PPP6R1: variants seen among roughly 807,000 people sequenced by gnomAD.
PPP6R1 encodes protein phosphatase 6 regulatory subunit 1.
A neutral mutation model predicts 104.6 loss-of-function variants in PPP6R1; 39 were observed. That is an observed-to-expected ratio of 0.37 (90% CI 0.29 to 0.49). The LOEUF (loss-of-function observed/expected upper bound fraction) is 0.49, where lower values mean the gene tolerates loss of function less well. Ranked by LOEUF, PPP6R1 falls within the 20% of genes least tolerant of loss-of-function variation. The probability of loss-of-function intolerance (pLI) is 0.98; values close to 1 mark genes in which losing one functional copy is unlikely to be tolerated. For synonymous variants in PPP6R1, 549 were observed against 479.0 expected, an observed-to-expected ratio of 1.15 and a Z score of -1.91; for missense variants, 1,181 against 1,155.8, an observed-to-expected ratio of 1.02 and a Z score of -0.32.
Position 55,245,033 on chromosome 19 carries a change from C to A in PPP6R1, c.618+87G>T. The A allele has an allele frequency of 3.2e-6, 5 of 1,542,286 alleles. No individual in the cohort carries two copies. The highest frequency in any genetic ancestry group is 4.4e-6 in the Non-Finnish European group (5 of 1,136,272). ...AATTACAGGCGTGAGCCACTGCGTC[C>A]AGCCCCAATTCCTCTTTTAAAAGTG... On this transcript the variant is annotated intron_variant, in intron 5 of 23. Transcript: ENST00000412770. This position sits in a 1 kb window ranked among gnomAD's most constrained non-coding sequence, Gnocchi z 6.4.
rs1020294143 is a variant in PPP6R1, at chr19:55,240,180, G to GC, written c.1361+55dup. On this transcript the variant is annotated intron_variant, in intron 11 of 23. Transcript: ENST00000412770. ...CCCAGGGATGCCCAGCCCCAGCCCG[G>GC]CCCCCCATCCAGGCAGCCCCAGCCC... 3.8e-6 allele frequency: 6 copies of GC among 1,563,150 alleles called. No individual in the cohort carries two copies. In the African/African-American group the frequency reaches 5.4e-5, roughly 14 times the overall value.
At chr19:55,254,519 C>CAAT (rs1357174618) in intron 1 of PPP6R1, among the ~76,000 whole-genome samples, 1 of 152,126 alleles carries the variant, frequency 6.6e-6, no homozygotes, top group Admixed American at 6.5e-5. Flanking sequence ...TGCACGTATC[C>CAAT]GCCCAAGCAC....
chr19:55,236,853 C>G (rs1362143241), intron 16 of PPP6R1, 32 bp from the exon 17 acceptor site: 6 of 1,613,472 alleles, frequency 3.7e-6, no homozygotes, highest in Non-Finnish European at 4.2e-6. Flanking sequence ...GGATGGGCCA[C>G]ACTGCCCACA....
intron 1 of PPP6R1, among the ~76,000 whole-genome samples, chr19:55,254,776 G>A (rs2087579906): frequency 6.6e-6 from 1 of 152,108 alleles, no homozygotes; most frequent in African/African-American, 2.4e-5. Context: ...CTCCTTAAAG[G>A]GCCCAGAGTC....
intron 1 of PPP6R1, chr19:55,247,311 G>A (rs1381289903): frequency 1.7e-6 from 1 of 594,962 alleles, no homozygotes; most frequent in Admixed American, 3.1e-5. Context: ...AAGGCTCCCA[G>A]TGAGCACCAG....
rs759459699 is a variant in PPP6R1, at chr19:55,240,230, G to A, written c.1361+6C>T. The A allele has an allele frequency of 3.2e-6, 5 of 1,586,510 alleles. No homozygotes were observed. The highest frequency in any genetic ancestry group is 1.3e-5 in the African/African-American group (1 of 74,272). On this transcript the variant is annotated splice_donor_region_variant and intron_variant, in intron 11 of 23. Coordinates refer to ENST00000412770, the MANE Select transcript of PPP6R1 (RefSeq NM_014931.4). ...CCTGGAGACATGAAGGGCAGCAGGT[G>A]CTCACTGTACACGGTCGTTCTCCTC...
In PPP6R1 at chr19:55,245,611, C is replaced by T. The variant is rs774535388; in HGVS notation, c.295G>A (p.Asp99Asn). The change falls in exon 3 of 24, where the codon GAT becomes AAT. Residue 99 changes from aspartate (D) to asparagine (N), a missense_variant. This residue lies in a region of PPP6R1 where 139 missense variants were observed against 200.1 expected (regional missense o/e 0.69). Coordinates refer to ENST00000412770, the MANE Select transcript of PPP6R1 (RefSeq NM_014931.4). This position sits in a 1 kb window ranked among gnomAD's most constrained non-coding sequence, Gnocchi z 6.4. Reference sequence around the variant, plus strand: ...TAGAGCCGGTTCAGAAGGGACTCATCAGCACCCAGGGCATCATTGATCTGG... The same window carrying T: ...TAGAGCCGGTTCAGAAGGGACTCATTAGCACCCAGGGCATCATTGATCTGG... ...VPQINDALGA[D>N]ESLLNRLYGF... 16 of 1,612,252 alleles carry T rather than the reference C, an allele frequency of 9.9e-6. No individual in the cohort carries two copies. Among genetic ancestry groups the T allele is most frequent in the South Asian group, 2.2e-5 (2 of 90,980 alleles).
Position 55,241,733 on chromosome 19 carries a change from G to A in PPP6R1, c.846-94C>T. The A allele has an allele frequency of 2.2e-6, 3 of 1,381,378 alleles. No homozygotes were observed. Among genetic ancestry groups the A allele is most frequent in the Middle Eastern group, 1.9e-4 (1 of 5,180 alleles). The allele number at this position is 1,381,378 out of a possible 1,614,324, so 85.6% of individuals were successfully genotyped here. ...AAGGACCACGTCTGCAGGGTCTGGAGGAAAACGAGGAGCCACATGCCCCCA... is the reference window on the plus strand; with the variant it reads ...AAGGACCACGTCTGCAGGGTCTGGAAGAAAACGAGGAGCCACATGCCCCCA... On this transcript the variant is annotated intron_variant, in intron 7 of 23. Transcript: ENST00000412770. This position sits in a 1 kb window ranked among gnomAD's most constrained non-coding sequence, Gnocchi z 5.4.
At chr19:55,249,013 C>A (rs1168248208) in intron 1 of PPP6R1, among the ~76,000 whole-genome samples, 1 of 152,192 alleles carries the variant, frequency 6.6e-6, no homozygotes, top group Non-Finnish European at 1.5e-5. Flanking sequence ...TCTAGATTGG[C>A]AACAATCTTG....
chr19:55,253,796 G>C (rs918616297), intron 1 of PPP6R1, among the ~76,000 whole-genome samples: 2 of 152,168 alleles, frequency 1.3e-5, no homozygotes, highest in Non-Finnish European at 2.9e-5. Flanking sequence ...ACCTAATGAA[G>C]CCTGCTAGAA....
chr19:55,253,345 C>T (rs1237935260), intron 1 of PPP6R1, among the ~76,000 whole-genome samples: 2 of 152,236 alleles, frequency 1.3e-5, no homozygotes, highest in Admixed American at 6.5e-5. Context: ...TGAGGCCCAC[C>T]GTTCACTTCT....
At chr19:55,237,677 A>G (rs181111072) in intron 15 of PPP6R1, among the ~76,000 whole-genome samples, 35 of 152,342 alleles carry the variant, frequency 2.3e-4, no homozygotes, top group Non-Finnish European at 4.9e-4. Flanking sequence ...CACGCACTTC[A>G]TTCTCACAAC....
At chr19:55,244,380 A>G (rs963769954) in intron 5 of PPP6R1, among the ~76,000 whole-genome samples, 1 of 152,220 alleles carries the variant, frequency 6.6e-6, no homozygotes, top group Non-Finnish European at 1.5e-5. Flanking sequence ...AAACACATGG[A>G]CATGGGGTCC....
chr19:55,237,694 C>T (rs535221549), intron 15 of PPP6R1, among the ~76,000 whole-genome samples: 2 of 152,334 alleles, frequency 1.3e-5, no homozygotes, highest in African/African-American at 4.8e-5. Context: ...CAACCACCTT[C>T]CAAGGCAAGT....
Position 55,230,322 on chromosome 19 carries a change from A to G in PPP6R1, c.*206T>C. The G allele has an allele frequency of 1.6e-6, 1 of 630,296 alleles. No homozygotes were observed. The highest frequency in any genetic ancestry group is 2.7e-5 in the East Asian group (1 of 36,400). 39.0% of individuals were successfully genotyped at this position (630,296 alleles called of 1,614,324 possible). A position where few individuals can be genotyped will look rare whatever the true frequency, so the allele number is the denominator to read the frequency against. ...TCTCTGTATCTTTATTCTAGGAGGC[A>G]ACGCTCCAAAACTTCTCTTCTCAGT... On this transcript the variant is annotated 3_prime_UTR_variant, in exon 24 of 24. Coordinates refer to ENST00000412770, the MANE Select transcript of PPP6R1 (RefSeq NM_014931.4).
downstream of PPP6R1, chr19:55,228,635 C>A: frequency 6.3e-7 from 1 of 1,583,598 alleles, no homozygotes. Context: ...CCGCCGGCTG[C>A]TGGGGTTCCA....
intron 15 of PPP6R1, among the ~76,000 whole-genome samples, chr19:55,237,890 T>C (rs768020996): frequency 3.3e-5 from 5 of 152,178 alleles, no homozygotes; most frequent in Admixed American, 6.5e-5. Context: ...TCATCCACTT[T>C]CCATTCCGGA....
chr19:55,230,859 C>A lies in PPP6R1; in HGVS notation c.2485G>T (p.Val829Phe), dbSNP rs551262639. ...DSATRDPSTSVPASGAHQPPQ... is the reference protein window; with the variant it reads ...DSATRDPSTSFPASGAHQPPQ... ...GGCTGGTGGGCCCCGGAGGCTGGGA[C>A]AGAGGTAGAGGGGTCTCTGGTTGCA... The change falls in exon 22 of 24, where the codon GTC becomes TTC. Residue 829 changes from valine to phenylalanine, a missense_variant. Physicochemically the swap from Val to Phe is conservative, Grantham distance 50. Transcript: ENST00000412770. The A allele has an allele frequency of 3.2e-5, 52 of 1,607,284 alleles. 1 individual carries two copies. The South Asian group carries it at 5.5e-4, about 17-fold the overall frequency.
At position 55,245,694 on chromosome 19, in the gene PPP6R1, A is replaced by G; in HGVS notation, c.228-16T>C. 5 of 1,471,290 alleles carry G rather than the reference A, an allele frequency of 3.4e-6. No homozygotes were observed. Among genetic ancestry groups the G allele is most frequent in the South Asian group, 1.1e-5 (1 of 88,686 alleles). 91.1% of individuals were successfully genotyped at this position (1,471,290 alleles called of 1,614,324 possible). ...ACTGGGGTACCTGGGAGGCAAGCAC[A>G]GGCGGGTGGGGGCTCGGGTCGGAGG... On this transcript the variant is annotated splice_polypyrimidine_tract_variant and intron_variant, in intron 2 of 23. Coordinates refer to ENST00000412770, the MANE Select transcript of PPP6R1 (RefSeq NM_014931.4). The surrounding 1 kb of genome is among the most constrained non-coding windows in gnomAD (Gnocchi z 6.4).
Sources: allele counts gnomAD v4.1 joint callset (sites outside exome capture counted in the v4.1 genomes callset), GRCh38; gene constraint gnomAD v4.1.1; regional missense constraint gnomAD v4.1.1; non-coding constraint Gnocchi (gnomAD v3.1); transcripts MANE v1.5; gene names NCBI Gene and HGNC (gene_info 2026-07-23, HGNC 2026-07-21).